The following CCSER1 variants were observed in gnomAD, a reference collection of about 807,000 sequenced individuals.
The protein encoded by CCSER1 is serine-rich coiled-coil domain-containing protein 1.
In CCSER1, 41 loss-of-function variants were observed where a neutral mutation model predicts 82.0. That is an observed-to-expected ratio of 0.50 (90% CI 0.39 to 0.65). The LOEUF (loss-of-function observed/expected upper bound fraction) is 0.65. Ranked by LOEUF, CCSER1 falls within the 30% of genes least tolerant of loss-of-function variation. The pLI, the probability that CCSER1 is intolerant of heterozygous loss-of-function variation, is 0.00. For missense variants in CCSER1, 1,119 were observed against 1,064.2 expected, an observed-to-expected ratio of 1.05 and a Z score of -0.72; for synonymous variants, 414 against 383.9, an observed-to-expected ratio of 1.08 and a Z score of -0.92.
At chr4:90,326,706 C>A (rs1579201264) in intron 3 of CCSER1, among the ~76,000 whole-genome samples, 3 of 152,216 alleles carry the variant, frequency 2.0e-5, no homozygotes, top group African/African-American at 4.8e-5. Context: ...TCACATAAAT[C>A]AGAATTCTTA....
At chr4:90,640,366 T>G (rs958116404) in intron 6 of CCSER1, among the ~76,000 whole-genome samples, 1 of 152,172 alleles carries the variant, frequency 6.6e-6, no homozygotes, top group Non-Finnish European at 1.5e-5. Flanking sequence ...AAGTAAGACA[T>G]GTCTTAGTTT....
intron 10 of CCSER1, among the ~76,000 whole-genome samples, chr4:91,306,557 T>C (rs1043933395): frequency 6.6e-6 from 1 of 152,038 alleles, no homozygotes; most frequent in African/African-American, 2.4e-5. Context: ...AAGCAGAAGC[T>C]CCTCATCTTA....
chr4:90,230,021 G>A (rs28866578), intron 1 of CCSER1, among the ~76,000 whole-genome samples: 2,400 of 152,192 alleles, frequency 0.016, 36 homozygotes, highest in African/African-American at 0.041. Flanking sequence ...CAATAATAAT[G>A]GGAGACTTTA....
chr4:91,157,579 G>A (rs2148967892), intron 10 of CCSER1, among the ~76,000 whole-genome samples: 1 of 152,046 alleles, frequency 6.6e-6, no homozygotes, highest in South Asian at 2.1e-4. Flanking sequence ...AATACAATGT[G>A]ATTCAACAAG....
At chr4:91,544,625 C>T (rs935808836) in intron 10 of CCSER1, among the ~76,000 whole-genome samples, 1 of 152,176 alleles carries the variant, frequency 6.6e-6, no homozygotes, top group Non-Finnish European at 1.5e-5. Context: ...TGCAGAACAG[C>T]AAATATTGTA....
rs539986856 is a variant in CCSER1, at chr4:90,826,658, T to C, written c.2094+10813T>C. Among the ~76,000 whole-genome samples, 10 of 152,328 alleles carry C rather than the reference T, an allele frequency of 6.6e-5. 1 individual carries two copies. The highest frequency in any genetic ancestry group is 2.2e-4 in the African/African-American group (9 of 41,582). Reference sequence around the variant, plus strand: ...ATTATGTGATTCGTTTAATTCTGCATAATACATGACAGTTAAGATTGAGAG... The same window carrying C: ...ATTATGTGATTCGTTTAATTCTGCACAATACATGACAGTTAAGATTGAGAG... On this transcript the variant is annotated intron_variant, in intron 8 of 10. Coordinates refer to ENST00000509176, the MANE Select transcript of CCSER1 (RefSeq NM_001145065.2).
chr4:90,946,555 T>C (rs534182518), intron 9 of CCSER1, among the ~76,000 whole-genome samples: 21 of 150,292 alleles, frequency 1.4e-4, no homozygotes, highest in African/African-American at 4.9e-4. Context: ...CTGTTGAACC[T>C]GGGAGACTGA....
chr4:90,722,522 A>G (rs1475342794), intron 6 of CCSER1, among the ~76,000 whole-genome samples: 1 of 151,890 alleles, frequency 6.6e-6, no homozygotes, highest in Non-Finnish European at 1.5e-5. Context: ...TGATCAAATA[A>G]ATGGCATAGA....
At chr4:91,590,253 C>T (rs1411224934) in intron 10 of CCSER1, among the ~76,000 whole-genome samples, 5 of 151,988 alleles carry the variant, frequency 3.3e-5, no homozygotes, top group African/African-American at 1.2e-4. Flanking sequence ...TAACTCTGGA[C>T]AATGTGCACC....
chr4:91,015,274 C>T (rs1276309268), intron 9 of CCSER1: 3 of 151,910 alleles, frequency 2.0e-5, no homozygotes, highest in Non-Finnish European at 4.4e-5. Context: ...AAGGTTATAT[C>T]AAAAAAGTAA....
chr4:90,421,010 T>A lies in CCSER1; in HGVS notation c.1603+20881T>A, dbSNP rs11935864. ...AGCTGTCACTATCAAAATGAACAAGTAATTAAGAAAGCAAACGCTGGTCTT... is the reference window on the plus strand; with the variant it reads ...AGCTGTCACTATCAAAATGAACAAGAAATTAAGAAAGCAAACGCTGGTCTT... On this transcript the variant is annotated intron_variant, in intron 4 of 10. Coordinates refer to ENST00000509176, the MANE Select transcript of CCSER1 (RefSeq NM_001145065.2). Among the ~76,000 whole-genome samples, 654 of 152,222 alleles carry A rather than the reference T, an allele frequency of 4.3e-3. 6 individuals carry two copies. Among genetic ancestry groups the A allele is most frequent in the African/African-American group, 0.015 (633 of 41,558 alleles).
chr4:91,284,932 C>T (rs1743168293), intron 10 of CCSER1, among the ~76,000 whole-genome samples: 1 of 151,832 alleles, frequency 6.6e-6, no homozygotes, highest in Non-Finnish European at 1.5e-5. Context: ...GCTGCCCCAA[C>T]AATGAACAAA....
chr4:91,544,875 C>A (rs1761802263), intron 10 of CCSER1, among the ~76,000 whole-genome samples: 1 of 152,164 alleles, frequency 6.6e-6, no homozygotes, highest in Non-Finnish European at 1.5e-5. Context: ...GTTTCTGCTG[C>A]CTTTATTTCA....
intron 9 of CCSER1, among the ~76,000 whole-genome samples, chr4:90,925,557 A>G (rs1305353613): frequency 6.6e-6 from 1 of 152,162 alleles, no homozygotes; most frequent in Non-Finnish European, 1.5e-5. Context: ...CTCTGGGGAA[A>G]TGACTTATCT....
chr4:90,813,152 A>T (rs1240825683), intron 7 of CCSER1, among the ~76,000 whole-genome samples: 1 of 152,230 alleles, frequency 6.6e-6, no homozygotes, highest in African/African-American at 2.4e-5. Context: ...GTAAAATCAA[A>T]AGCAAGTTAC....
intron 10 of CCSER1, among the ~76,000 whole-genome samples, chr4:91,588,636 G>A (rs1206314605): frequency 6.6e-6 from 1 of 151,578 alleles, no homozygotes; most frequent in African/African-American, 2.4e-5. Flanking sequence ...TTCTATATAT[G>A]TTAGCAGTAT....
At chr4:90,500,925 A>G (rs1421535813) in intron 5 of CCSER1, among the ~76,000 whole-genome samples, 1 of 152,070 alleles carries the variant, frequency 6.6e-6, no homozygotes, top group Non-Finnish European at 1.5e-5. Flanking sequence ...AAAATAAAAT[A>G]AAATTCTGAC....
chr4:91,400,839 C>A (rs887741500), intron 10 of CCSER1, among the ~76,000 whole-genome samples: 4 of 151,304 alleles, frequency 2.6e-5, no homozygotes, highest in Non-Finnish European at 5.9e-5. Flanking sequence ...CCATTTTATC[C>A]CCCTGAATTG....
At chr4:90,358,638 C>G (rs1335026068) in intron 3 of CCSER1, among the ~76,000 whole-genome samples, 1 of 151,876 alleles carries the variant, frequency 6.6e-6, no homozygotes. Context: ...ATTTATAATA[C>G]AAAATATGAG....
Sources: allele counts gnomAD v4.1 joint callset (sites outside exome capture counted in the v4.1 genomes callset), GRCh38; gene constraint gnomAD v4.1.1; transcripts MANE v1.5; gene names NCBI Gene and HGNC (gene_info 2026-07-23, HGNC 2026-07-21).